The following CRHR1 variants were observed in gnomAD, a reference collection of about 807,000 sequenced individuals.
CRHR1 encodes corticotropin-releasing hormone receptor 1.
Under a neutral mutation model 56.0 loss-of-function variants are expected in CRHR1, and 28 were observed. The observed-to-expected ratio is 0.50, with a 90% CI of 0.37 to 0.69. The LOEUF (loss-of-function observed/expected upper bound fraction) is 0.69, where lower values mean the gene tolerates loss of function less well. Among genes scored for constraint, CRHR1 ranks in the 30% least tolerant of loss-of-function variants. CRHR1 has a pLI of 0.00. For missense variants in CRHR1, 376 were observed against 548.0 expected, an observed-to-expected ratio of 0.69 and a Z score of 3.13; for synonymous variants, 195 against 216.5, an observed-to-expected ratio of 0.90 and a Z score of 0.87.
intron 10 of CRHR1, 44 bp from the exon 11 acceptor site, chr17:45,833,669 TG>T: frequency 1.2e-6 from 2 of 1,607,872 alleles, no homozygotes; most frequent in Non-Finnish European, 1.7e-6. Flanking sequence ...CAGCCCGTCC[TG>T]GGGTGGGCTG....
chr17:45,811,438 G>A (rs576773728), intron 2 of CRHR1, among the ~76,000 whole-genome samples: 1 of 152,380 alleles, frequency 6.6e-6, no homozygotes, highest in African/African-American at 2.4e-5. Flanking sequence ...GTATGGGGAA[G>A]GAGGAAGATA....
chr17:45,829,769 TC>T, intron 5 of CRHR1: 1 of 1,056,690 alleles, frequency 9.5e-7, no homozygotes. Flanking sequence ...CCTGTGACTG[TC>T]CATCCTGGAA....
At chr17:45,813,025 C>T (rs1004186258) in intron 2 of CRHR1, among the ~76,000 whole-genome samples, 3 of 152,210 alleles carry the variant, frequency 2.0e-5, no homozygotes, top group Admixed American at 6.5e-5. Flanking sequence ...TCCCTGGACT[C>T]GGTGTCCGCA....
At chr17:45,802,442 A>C (rs2061640683) in intron 1 of CRHR1, among the ~76,000 whole-genome samples, 1 of 152,210 alleles carries the variant, frequency 6.6e-6, no homozygotes, top group South Asian at 2.1e-4. Context: ...AGAAAACCAC[A>C]GTGGAGCTTG....
intron 10 of CRHR1, 21 bp from the exon 11 acceptor site, chr17:45,833,693 T>TGGC: frequency 6.4e-7 from 1 of 1,571,614 alleles, no homozygotes; most frequent in Non-Finnish European, 8.7e-7. Flanking sequence ...ACTCCGAGCC[T>TGGC]CCCCACCCGC....
At chr17:45,789,689 A>G (rs773813437) in intron 1 of CRHR1, among the ~76,000 whole-genome samples, 3 of 152,148 alleles carry the variant, frequency 2.0e-5, no homozygotes, top group Non-Finnish European at 4.4e-5. Context: ...CATCCTTTTA[A>G]AATGCTTGTC....
chr17:45,832,143 A>T (rs1264212660), intron 8 of CRHR1, among the ~76,000 whole-genome samples: 1 of 152,202 alleles, frequency 6.6e-6, no homozygotes, highest in Non-Finnish European at 1.5e-5. Context: ...GAGGCAGGAG[A>T]ATCTCTTGAA....
chr17:45,817,914 T>A (rs1193178200), intron 3 of CRHR1, among the ~76,000 whole-genome samples: 1 of 152,028 alleles, frequency 6.6e-6, no homozygotes, highest in Non-Finnish European at 1.5e-5. Context: ...TCAGGCCCAT[T>A]TTGTAATAAG....
chr17:45,789,743 G>A (rs1475460358), intron 1 of CRHR1, among the ~76,000 whole-genome samples: 1 of 152,156 alleles, frequency 6.6e-6, no homozygotes, highest in Non-Finnish European at 1.5e-5. Flanking sequence ...ACCCCACCCA[G>A]TGTGGCAGTC....
chr17:45,788,134 GC>G (rs2061366821), intron 1 of CRHR1, among the ~76,000 whole-genome samples: 1 of 152,240 alleles, frequency 6.6e-6, no homozygotes, highest in African/African-American at 2.4e-5. Flanking sequence ...GGGTCAAGGT[GC>G]CACCACCCCA....
rs71138510 is a variant in CRHR1, at chr17:45,803,775, T to TGTGTGCGC, written c.34-3234_34-3233insTGTGCGCG. Among the ~76,000 whole-genome samples, 1,337 of 150,432 alleles carry TGTGTGCGC rather than the reference T, an allele frequency of 8.9e-3. 22 individuals are homozygous for TGTGTGCGC. Among genetic ancestry groups the TGTGTGCGC allele is most frequent in the African/African-American group, 0.028 (1,137 of 40,938 alleles). On this transcript the variant is annotated intron_variant, in intron 1 of 12. Transcript: ENST00000314537. ...GAGAGTGCGTGTGTGTGTGTGTGTG[T>TGTGTGCGC]GCGTGCGCGTGCGCGTGTGTGCATG...
intron 1 of CRHR1, among the ~76,000 whole-genome samples, chr17:45,795,460 C>T (rs1478869371): frequency 6.6e-6 from 1 of 152,200 alleles, no homozygotes; most frequent in South Asian, 2.1e-4. Flanking sequence ...CTGGCCTGTG[C>T]ATTTTAGGAT....
At chr17:45,817,876 G>T (rs1323409759) in intron 3 of CRHR1, among the ~76,000 whole-genome samples, 2 of 152,216 alleles carry the variant, frequency 1.3e-5, no homozygotes, top group African/African-American at 4.8e-5. Flanking sequence ...AGTCCAAGGG[G>T]TGCACAGTTG....
chr17:45,805,084 A>G (rs1432506042), intron 1 of CRHR1, among the ~76,000 whole-genome samples: 2 of 152,000 alleles, frequency 1.3e-5, no homozygotes, highest in Non-Finnish European at 2.9e-5. Flanking sequence ...GATTACAGGC[A>G]TGAGCCACTG....
In CRHR1 at chr17:45,831,058, A is replaced by G. The variant is rs1294391299; in HGVS notation, c.770+118A>G. 11 of 960,876 alleles carry G rather than the reference A, an allele frequency of 1.1e-5. No homozygotes were observed. In the South Asian group the frequency reaches 1.2e-4, roughly 11 times the overall value. 59.5% of individuals were successfully genotyped at this position (960,876 alleles called of 1,614,324 possible). On this transcript the variant is annotated intron_variant, in intron 8 of 12. Transcript: ENST00000314537. ...TTCCCCTCAGGACCATGGTTTCTGC[A>G]TCTATAAAGGGAGAGATCTGGGGGC...
rs964756617 is a variant in CRHR1 at position 45,806,915 on chromosome 17, G to A, written c.34-95G>A. 2.6e-5 allele frequency: 27 copies of A among 1,041,368 alleles called. No individual in the cohort carries two copies. In the Admixed American group the frequency reaches 4.0e-4, roughly 16 times the overall value. The allele number at this position is 1,041,368 out of a possible 1,614,324, so 64.5% of individuals were successfully genotyped here. A position where few individuals can be genotyped will look rare whatever the true frequency, so the allele number is the denominator to read the frequency against. On this transcript the variant is annotated intron_variant, in intron 1 of 12. Transcript: ENST00000314537. The stretch of plus-strand genomic sequence containing the variant: ...AGGGTGGGAGGGGAGGCAGGCAGGT[G>A]CAGTGTCACCCCTGCAGTTTTCCTG...
intron 3 of CRHR1, among the ~76,000 whole-genome samples, chr17:45,820,497 C>T (rs1304872974): frequency 6.6e-6 from 1 of 152,182 alleles, no homozygotes; most frequent in Non-Finnish European, 1.5e-5. Flanking sequence ...AGGGCCCCTC[C>T]CCATCTCCTT....
rs185731920 is a variant in CRHR1 at position 45,833,998 on chromosome 17, C to T, written c.1066-9C>T. ...AGCCGACCTTTGACGCCTCCTCTCTCCTCCCCAGGGCTTCTTTGTGTCTGT... is the reference window on the plus strand; with the variant it reads ...AGCCGACCTTTGACGCCTCCTCTCTTCTCCCCAGGGCTTCTTTGTGTCTGT... On this transcript the variant is annotated splice_polypyrimidine_tract_variant and intron_variant, in intron 11 of 12. Transcript: ENST00000314537. 126 of 1,613,850 alleles carry T rather than the reference C, an allele frequency of 7.8e-5. No individual in the cohort carries two copies. The African/African-American group carries it at 1.3e-3, about 16-fold the overall frequency.
chr17:45,787,189 G>A (rs1049067671), intron 1 of CRHR1, among the ~76,000 whole-genome samples: 1 of 152,166 alleles, frequency 6.6e-6, no homozygotes, highest in Non-Finnish European at 1.5e-5. Flanking sequence ...GAGACAGGGT[G>A]TGTGAAAGTG....
Sources: gnomAD v4.1 joint callset for allele counts (sites outside exome capture counted in the v4.1 genomes callset) on GRCh38, gnomAD v4.1.1 for gene constraint, MANE v1.5 for transcripts, NCBI Gene and HGNC (gene_info 2026-07-23, HGNC 2026-07-21) for gene names.